Variants in PDE1B observed in about 807,000 individuals in gnomAD.
PDE1B encodes the protein dual specificity calcium/calmodulin-dependent 3',5'-cyclic nucleotide phosphodiesterase 1B.
Under a neutral mutation model 66.7 loss-of-function variants are expected in PDE1B, and 13 were observed. That is an observed-to-expected ratio of 0.19 (90% CI 0.13 to 0.31). The LOEUF is 0.31. PDE1B is among the 10% of genes least tolerant of loss of function. PDE1B has a pLI of 1.00. For missense variants in PDE1B, 485 were observed against 682.3 expected (o/e 0.71, Z 3.22); for synonymous variants, 230 against 253.9 (o/e 0.91, Z 0.90).
At chr12:54,563,192 T>A (rs755074808) in intron 2 of PDE1B, among the ~76,000 whole-genome samples, 1 of 152,132 alleles carries the variant, frequency 6.6e-6, no homozygotes, top group Non-Finnish European at 1.5e-5. Context: ...ACACTCACAG[T>A]CTCCTATGGG....
chr12:54,565,379 A>G (rs1256828379), intron 2 of PDE1B, among the ~76,000 whole-genome samples: 1 of 152,250 alleles, frequency 6.6e-6, no homozygotes, highest in Non-Finnish European at 1.5e-5. Context: ...CACCAAAGGC[A>G]AAGCGTACCT....
intron 2 of PDE1B, among the ~76,000 whole-genome samples, chr12:54,562,617 G>A (rs146558980): frequency 2.0e-5 from 3 of 152,324 alleles, no homozygotes; most frequent in Non-Finnish European, 2.9e-5. Context: ...CAGAAGAACA[G>A]TGAGGTGAGG....
At chr12:54,557,481 G>C (rs1957356274) in intron 2 of PDE1B, among the ~76,000 whole-genome samples, 1 of 152,154 alleles carries the variant, frequency 6.6e-6, no homozygotes, top group East Asian at 1.9e-4. Context: ...TGAGGCCCAA[G>C]CATCCTACTT....
At position 54,565,831 on chromosome 12, in the gene PDE1B, A is replaced by T. The variant is rs148955461; in HGVS notation, c.114-1143A>T. Among the ~76,000 whole-genome samples, 77 of 152,176 alleles carry T rather than the reference A, an allele frequency of 5.1e-4. 2 individuals are homozygous for T. The highest frequency in any genetic ancestry group is 3.2e-4 in the Non-Finnish European group (22 of 67,990). ...AGAGCTACTTCTGTTCAGGAACGCC[A>T]TTGTTCTCCCTCCCCCGGCATCCCT... On this transcript the variant is annotated intron_variant, in intron 2 of 15. Coordinates refer to ENST00000243052, the MANE Select transcript of PDE1B (RefSeq NM_000924.4).
Position 54,570,377 on chromosome 12 carries a change from C to A in PDE1B, c.594+20C>A. The A allele has an allele frequency of 7.3e-7, 1 of 1,363,072 alleles. No individual in the cohort carries two copies. Among genetic ancestry groups the A allele is most frequent in the Non-Finnish European group, 1.1e-6 (1 of 950,862 alleles). The allele number at this position is 1,363,072 out of a possible 1,614,324, so 84.4% of individuals were successfully genotyped here. A position where few individuals can be genotyped will look rare whatever the true frequency, so the allele number is the denominator to read the frequency against. On this transcript the variant is annotated intron_variant, in intron 6 of 15. Transcript: ENST00000243052. ...TTCAAGGTTGGGCAGCATCCTACCT[C>A]TACCTCCAGGCAGGATTCTCCACTC...
rs147246439 is a variant in PDE1B at position 54,575,533 on chromosome 12, C to T, written c.1186-18C>T. 3.3e-4 allele frequency: 518 copies of T among 1,588,204 alleles called. 2 individuals carry two copies. In the African/African-American group the frequency reaches 6.2e-3, roughly 19 times the overall value. On this transcript the variant is annotated intron_variant, in intron 11 of 15. Coordinates refer to ENST00000243052, the MANE Select transcript of PDE1B (RefSeq NM_000924.4). The surrounding 1 kb of genome is among the most constrained non-coding windows in gnomAD (Gnocchi z 4.0). ...TGAGGTATCCTCTCCAGCTTTCCTA[C>T]CCTGTTCCCTCCTCTAGGGTGACAA...
At chr12:54,567,358 C>T (rs1367352479) in intron 3 of PDE1B, among the ~76,000 whole-genome samples, 2 of 151,406 alleles carry the variant, frequency 1.3e-5, no homozygotes, top group East Asian at 3.9e-4. Flanking sequence ...AAAAAATTAG[C>T]CAGGCATGGT....
At chr12:54,576,129 T>G in intron 13 of PDE1B, 29 bp downstream of exon 13, 2 of 1,377,464 alleles carry the variant, frequency 1.5e-6, no homozygotes, top group Non-Finnish European at 2.1e-6. Flanking sequence ...GCCAGATATC[T>G]TGGTTCAGGA....
intron 3 of PDE1B, among the ~76,000 whole-genome samples, chr12:54,568,366 G>T (rs187431564): frequency 3.9e-5 from 6 of 151,900 alleles, no homozygotes; most frequent in South Asian, 2.1e-4. Context: ...GGAGGCTGAG[G>T]GGGGAGGATC....
chr12:54,554,976 A>G (rs1957325422), intron 2 of PDE1B, among the ~76,000 whole-genome samples: 1 of 152,136 alleles, frequency 6.6e-6, no homozygotes, highest in African/African-American at 2.4e-5. Context: ...AATATGAATT[A>G]CCTAATAGGT....
At chr12:54,566,002 T>G (rs1203199385) in intron 2 of PDE1B, among the ~76,000 whole-genome samples, 1 of 152,118 alleles carries the variant, frequency 6.6e-6, no homozygotes, top group Non-Finnish European at 1.5e-5. Flanking sequence ...TTTAGGTGGG[T>G]GGGGCAGGGT....
chr12:54,578,055 C>T lies in PDE1B; in HGVS notation c.*213C>T, dbSNP rs1358824154. 2 of 152,394 alleles carry T rather than the reference C, an allele frequency of 1.3e-5. No individual in the cohort carries two copies. Among genetic ancestry groups the T allele is most frequent in the Non-Finnish European group, 2.9e-5 (2 of 68,180 alleles). 9.4% of individuals were successfully genotyped at this position (152,394 alleles called of 1,614,324 possible). A position where few individuals can be genotyped will look rare whatever the true frequency, so the allele number is the denominator to read the frequency against. On this transcript the variant is annotated 3_prime_UTR_variant, in exon 16 of 16. Coordinates refer to ENST00000243052, the MANE Select transcript of PDE1B (RefSeq NM_000924.4). ...GCACTTTAATGTTCCGGCAGCAAGA[C>T]TGGGGAACTTCAGGCTCCCAGTGGT...
At chr12:54,551,490 C>T (rs574020681) in intron 2 of PDE1B, among the ~76,000 whole-genome samples, 4 of 152,196 alleles carry the variant, frequency 2.6e-5, no homozygotes, top group South Asian at 2.1e-4. Flanking sequence ...TAGAAAATGA[C>T]GCTGCGTTAA....
At position 54,567,004 on chromosome 12, in the gene PDE1B, T is replaced by C; in HGVS notation, c.144T>C (p.Asn48=). ...LLRYMVKQLE[N]GEINIEELKK... ...GCTACATGGTGAAGCAGTTGGAGAA[T>C]GGGGAGATAAACATTGAGGAGCTGA... The change falls in exon 3 of 16, where the codon AAT becomes AAC. Residue 48 remains asparagine, a synonymous_variant. Coordinates refer to ENST00000243052, the MANE Select transcript of PDE1B (RefSeq NM_000924.4). 1 of 1,612,214 alleles carries C rather than the reference T, an allele frequency of 6.2e-7. No individual in the cohort carries two copies. Among genetic ancestry groups the C allele is most frequent in the Non-Finnish European group, 8.5e-7 (1 of 1,178,840 alleles).
intron 2 of PDE1B, among the ~76,000 whole-genome samples, chr12:54,556,621 G>C (rs1957344647): frequency 6.6e-6 from 1 of 152,190 alleles, no homozygotes; most frequent in African/African-American, 2.4e-5. Flanking sequence ...TGGTAGAGAG[G>C]AAGGCTTGGT....
Position 54,575,809 on chromosome 12 carries a change from AG to A in PDE1B, c.1267+178del. ...CCAGGGGGCTGCAATGGCAGGAAGG[AG>A]CTCTCTGGGGCACCAAGACATCATC... On this transcript the variant is annotated intron_variant, in intron 12 of 15. Transcript: ENST00000243052. This position sits in a 1 kb window ranked among gnomAD's most constrained non-coding sequence, Gnocchi z 4.0. The A allele has an allele frequency of 1.4e-6, 1 of 714,040 alleles. No individual in the cohort carries two copies. Among genetic ancestry groups the A allele is most frequent in the Non-Finnish European group, 2.5e-6 (1 of 404,848 alleles). The allele number at this position is 714,040 out of a possible 1,614,324, so 44.2% of individuals were successfully genotyped here.
At position 54,573,454 on chromosome 12, in the gene PDE1B, C is replaced by A; in HGVS notation, c.936C>A (p.Phe312Leu). 1 of 1,614,184 alleles carries A rather than the reference C, an allele frequency of 6.2e-7. No homozygotes were observed. Among genetic ancestry groups the A allele is most frequent in the Non-Finnish European group, 8.5e-7 (1 of 1,180,010 alleles). ...RLMQDDEMNI[F>L]INLTKDEFVE... ...TGCAGGATGATGAGATGAACATTTTCATCAACCTCACCAAGGATGAGTTTG... is the reference window on the plus strand; with the variant it reads ...TGCAGGATGATGAGATGAACATTTTAATCAACCTCACCAAGGATGAGTTTG... Residue 312 changes from phenylalanine (F) to leucine (L), a missense_variant, in exon 9 of 16, where the codon TTC becomes TTA. Physicochemically the swap from Phe to Leu is conservative, Grantham distance 22. Around this residue, in one of 4 missense-constraint regions of PDE1B, gnomAD observed 282 missense variants for 453.4 expected, o/e 0.62. Transcript: ENST00000243052. The surrounding 1 kb of genome is among the most constrained non-coding windows in gnomAD (Gnocchi z 5.2).
chr12:54,550,026 G>A (rs190038068), intron 2 of PDE1B, 41 bp downstream of exon 2: 48 of 1,602,028 alleles, frequency 3.0e-5, no homozygotes, highest in Non-Finnish European at 3.7e-5. Flanking sequence ...GGACCTTAGG[G>A]AGCCTGAGCG....
chr12:54,549,614 G>C lies in PDE1B; in HGVS notation c.-172G>C, dbSNP rs1022940899. ...GGCGGCTCTGGCAGCGCGCGGCGGC[G>C]GCGGCGGTAGCGGCAGCAGCAGCGG... is the stretch of plus-strand genomic sequence containing the variant. On this transcript the variant is annotated 5_prime_UTR_variant, in exon 1 of 16. Coordinates refer to ENST00000243052, the MANE Select transcript of PDE1B (RefSeq NM_000924.4). 1 of 462,012 alleles carries C rather than the reference G, an allele frequency of 2.2e-6. No individual in the cohort carries two copies. Among genetic ancestry groups the C allele is most frequent in the Admixed American group, 3.9e-5 (1 of 25,528 alleles). 28.6% of individuals were successfully genotyped at this position (462,012 alleles called of 1,614,324 possible).
Sources: allele counts gnomAD v4.1 joint callset (sites outside exome capture counted in the v4.1 genomes callset), GRCh38; gene constraint gnomAD v4.1.1; regional missense constraint gnomAD v4.1.1; non-coding constraint Gnocchi (gnomAD v3.1); transcripts MANE v1.5; gene names NCBI Gene and HGNC (gene_info 2026-07-23, HGNC 2026-07-21).